TMEM131L: variants seen among roughly 807,000 people sequenced by gnomAD.
TMEM131L encodes the protein transmembrane protein 131-like.
Under a neutral mutation model 192.2 loss-of-function variants are expected in TMEM131L, and 54 were observed. That is an observed-to-expected ratio of 0.28 (90% CI 0.23 to 0.35). TMEM131L has a LOEUF of 0.35. TMEM131L is among the 10% of genes least tolerant of loss of function. The probability of loss-of-function intolerance (pLI) is 1.00; values close to 1 mark genes in which losing one functional copy is unlikely to be tolerated. For synonymous variants in TMEM131L, 701 were observed against 704.9 expected, an observed-to-expected ratio of 0.99 and a Z score of 0.09; for missense variants, 1,888 against 1,972.9, an observed-to-expected ratio of 0.96 and a Z score of 0.82.
intron 3 of TMEM131L, among the ~76,000 whole-genome samples, chr4:153,545,004 A>C (rs573798621): frequency 6.6e-6 from 1 of 152,300 alleles, no homozygotes; most frequent in African/African-American, 2.4e-5. Flanking sequence ...ATTTGTGAAC[A>C]GCTGGAACAG....
intron 3 of TMEM131L, among the ~76,000 whole-genome samples, chr4:153,545,894 T>C (rs187888938): frequency 1.7e-4 from 26 of 152,230 alleles, no homozygotes; most frequent in African/African-American, 5.5e-4. Context: ...TCTCCTGTTA[T>C]AGAAGCAAAA....
chr4:153,477,627 G>T (rs1157306152), intron 3 of TMEM131L, among the ~76,000 whole-genome samples: 1 of 152,072 alleles, frequency 6.6e-6, no homozygotes, highest in Non-Finnish European at 1.5e-5. Flanking sequence ...TCATGCCTGT[G>T]TACTTGCAAG....
chr4:153,486,447 C>T (rs1040920532), intron 3 of TMEM131L, among the ~76,000 whole-genome samples: 8 of 152,218 alleles, frequency 5.3e-5, no homozygotes, highest in African/African-American at 1.7e-4. Flanking sequence ...AACCCTGACT[C>T]AACCAGCTCA....
At chr4:153,567,126 A>T (rs1729263287) in intron 7 of TMEM131L, among the ~76,000 whole-genome samples, 1 of 152,236 alleles carries the variant, frequency 6.6e-6, no homozygotes, top group Non-Finnish European at 1.5e-5. Flanking sequence ...AAGGAGGAGA[A>T]CGTGGAAAGC....
At position 153,627,731 on chromosome 4, in the gene TMEM131L, G is replaced by A. The variant is rs199517033; in HGVS notation, c.4207+44G>A. On this transcript the variant is annotated intron_variant, in intron 31 of 34. Transcript: ENST00000409959. ...GCTGCAGACATCAGCCAAGGGTTCT[G>A]TGCTGTCTGTATTCCTGGCTGATGA... 4.7e-6 allele frequency: 7 copies of A among 1,502,692 alleles called. No individual in the cohort carries two copies. The Admixed American group carries it at 1.2e-4, about 25-fold the overall frequency. 93.1% of individuals were successfully genotyped at this position (1,502,692 alleles called of 1,614,324 possible).
chr4:153,538,167 T>C (rs917469206), intron 3 of TMEM131L, among the ~76,000 whole-genome samples: 2 of 152,220 alleles, frequency 1.3e-5, no homozygotes, highest in Non-Finnish European at 2.9e-5. Flanking sequence ...GTGGTTCTTA[T>C]TGACTATGCT....
chr4:153,531,620 GT>G (rs1735907518), intron 3 of TMEM131L, among the ~76,000 whole-genome samples: 1 of 152,100 alleles, frequency 6.6e-6, no homozygotes, highest in African/African-American at 2.4e-5. Flanking sequence ...TTATATAAAC[GT>G]GGCATTTTAC....
intron 3 of TMEM131L, among the ~76,000 whole-genome samples, chr4:153,494,946 G>A (rs1183601117): frequency 6.6e-6 from 1 of 152,190 alleles, no homozygotes; most frequent in Non-Finnish European, 1.5e-5. Flanking sequence ...GTGTGAGAGG[G>A]GTCTGGGGAG....
intron 27 of TMEM131L, among the ~76,000 whole-genome samples, chr4:153,621,236 C>T (rs998704563): frequency 1.3e-5 from 2 of 152,184 alleles, no homozygotes; most frequent in East Asian, 1.9e-4. Context: ...CCACGGGGCA[C>T]AGGCAGGCCT....
intron 4 of TMEM131L, among the ~76,000 whole-genome samples, chr4:153,554,545 G>T (rs982542285): frequency 1.3e-5 from 2 of 152,092 alleles, no homozygotes; most frequent in Non-Finnish European, 2.9e-5. Flanking sequence ...GTTTCCTAAA[G>T]GATACATTTT....
chr4:153,632,557 G>T, intron 31 of TMEM131L, 161 bp from the exon 32 acceptor site: 1 of 729,652 alleles, frequency 1.4e-6, no homozygotes. Flanking sequence ...ACAATATGCT[G>T]TATTTCAGAA....
intron 2 of TMEM131L, among the ~76,000 whole-genome samples, chr4:153,467,965 TATA>T (rs1439988840): frequency 6.6e-6 from 1 of 152,222 alleles, no homozygotes; most frequent in Non-Finnish European, 1.5e-5. Context: ...CACATTTAAA[TATA>T]ATGTTGTTGA....
At chr4:153,474,914 G>A (rs1731421037) in intron 3 of TMEM131L, among the ~76,000 whole-genome samples, 2 of 152,018 alleles carry the variant, frequency 1.3e-5, no homozygotes, top group African/African-American at 4.8e-5. Context: ...TGTCAAACTG[G>A]GTCCCTTAGA....
At chr4:153,509,200 A>C (rs576974876) in intron 3 of TMEM131L, among the ~76,000 whole-genome samples, 1 of 151,356 alleles carries the variant, frequency 6.6e-6, no homozygotes, top group East Asian at 2.0e-4. Context: ...ACAACAACAA[A>C]AAAAACAAAA....
chr4:153,598,713 G>A lies in TMEM131L; in HGVS notation c.2247G>A (p.Thr749=). 1 of 1,613,784 alleles carries A rather than the reference G, an allele frequency of 6.2e-7. No homozygotes were observed. Among genetic ancestry groups the A allele is most frequent in the Non-Finnish European group, 8.5e-7 (1 of 1,179,764 alleles). The stretch of plus-strand genomic sequence containing the variant: ...TCCGATTTAAGGTGCCCGAGTCCAC[G>A]CTGATGGACTGCCGTAGACGTGAGT... ...GSLRFKVPES[T]LMDCRRQLKD... The change falls in exon 21 of 35, where the codon ACG becomes ACA. Residue 749 remains threonine, a synonymous_variant. Coordinates refer to ENST00000409959, the MANE Select transcript of TMEM131L (RefSeq NM_001131007.2).
chr4:153,498,714 A>G (rs1303683973), intron 3 of TMEM131L, among the ~76,000 whole-genome samples: 1 of 152,136 alleles, frequency 6.6e-6, no homozygotes, highest in African/African-American at 2.4e-5. Flanking sequence ...GGCCCTACTG[A>G]GCAAGGCTGG....
chr4:153,469,597 T>C (rs1335587549), intron 2 of TMEM131L, among the ~76,000 whole-genome samples: 1 of 152,110 alleles, frequency 6.6e-6, no homozygotes, highest in African/African-American at 2.4e-5. Flanking sequence ...GATTTGTCAG[T>C]AGTAGATGAA....
At chr4:153,569,774 G>C (rs1729460585) in intron 7 of TMEM131L, among the ~76,000 whole-genome samples, 1 of 152,200 alleles carries the variant, frequency 6.6e-6, no homozygotes, top group Admixed American at 6.5e-5. Flanking sequence ...TATTTAAAGA[G>C]CTTAGAACTA....
intron 3 of TMEM131L, among the ~76,000 whole-genome samples, chr4:153,524,129 C>CTGTTT (rs1191210869): frequency 7.2e-6 from 1 of 138,630 alleles, no homozygotes; most frequent in Admixed American, 7.4e-5. Flanking sequence ...TGTTTCACTT[C>CTGTTT]TGTTTTTTTT....
Sources: gnomAD v4.1 joint callset for allele counts (sites outside exome capture counted in the v4.1 genomes callset) on GRCh38, gnomAD v4.1.1 for gene constraint, MANE v1.5 for transcripts, NCBI Gene and HGNC (gene_info 2026-07-23, HGNC 2026-07-21) for gene names.